ARFIP1: variants seen among roughly 807,000 people sequenced by gnomAD.
ARFIP1 encodes the protein arfaptin-1.
Under a neutral mutation model 42.5 loss-of-function variants are expected in ARFIP1, and 24 were observed. That is an observed-to-expected ratio of 0.57 (90% CI 0.41 to 0.80). ARFIP1 has a LOEUF of 0.80. Among genes scored for constraint, ARFIP1 ranks in the 30% least tolerant of loss-of-function variants. ARFIP1 has a pLI of 0.00. For synonymous variants in ARFIP1, 141 were observed against 153.7 expected (o/e 0.92, Z 0.61); for missense variants, 354 against 434.0 (o/e 0.82, Z 1.64).
intron 1 of ARFIP1, among the ~76,000 whole-genome samples, chr4:152,786,318 G>C (rs1730806450): frequency 6.6e-6 from 1 of 152,122 alleles, no homozygotes; most frequent in South Asian, 2.1e-4. Flanking sequence ...TGTCTAAAAT[G>C]AAACTGATTT....
chr4:152,900,840 T>A (rs2149909098), intron 8 of ARFIP1, among the ~76,000 whole-genome samples: 1 of 152,336 alleles, frequency 6.6e-6, no homozygotes, highest in South Asian at 2.1e-4. Flanking sequence ...TTACACTTTT[T>A]TCTTACACAC....
At chr4:152,849,259 A>C (rs935101803) in intron 2 of ARFIP1, among the ~76,000 whole-genome samples, 2 of 151,994 alleles carry the variant, frequency 1.3e-5, no homozygotes, top group Non-Finnish European at 2.9e-5. Context: ...TATAAACAAA[A>C]GCTATTAGTA....
intron 8 of ARFIP1, among the ~76,000 whole-genome samples, chr4:152,891,233 C>A (rs1039546485): frequency 1.3e-5 from 2 of 152,180 alleles, no homozygotes. Flanking sequence ...ATTCAGACTG[C>A]AGCAGATAGC....
chr4:152,845,949 C>T (rs1732501343), intron 2 of ARFIP1, among the ~76,000 whole-genome samples: 1 of 152,060 alleles, frequency 6.6e-6, no homozygotes, highest in Non-Finnish European at 1.5e-5. Flanking sequence ...ATCTAGGTAC[C>T]CATCAATGGT....
At chr4:152,866,944 CG>C (rs1263178376) in intron 3 of ARFIP1, among the ~76,000 whole-genome samples, 2 of 150,768 alleles carry the variant, frequency 1.3e-5, no homozygotes, top group African/African-American at 2.4e-5. Context: ...GGATGGCGGC[CG>C]GGAAGAGGCG....
chr4:152,849,618 G>A (rs1037833977), intron 2 of ARFIP1, among the ~76,000 whole-genome samples: 2 of 152,060 alleles, frequency 1.3e-5, no homozygotes, highest in Non-Finnish European at 2.9e-5. Flanking sequence ...AAATATTGTT[G>A]AATGAATGGG....
intron 1 of ARFIP1, among the ~76,000 whole-genome samples, chr4:152,786,163 A>G (rs998188654): frequency 1.3e-5 from 2 of 152,208 alleles, no homozygotes; most frequent in African/African-American, 2.4e-5. Flanking sequence ...TTTGGGGATT[A>G]TAGTTAGCTG....
chr4:152,856,320 C>T (rs1231671792), intron 2 of ARFIP1, among the ~76,000 whole-genome samples: 1 of 152,124 alleles, frequency 6.6e-6, no homozygotes, highest in African/African-American at 2.4e-5. Context: ...CTAACATAAC[C>T]ATTCTGGACC....
intron 5 of ARFIP1, among the ~76,000 whole-genome samples, chr4:152,878,253 T>C (rs900920669): frequency 1.3e-5 from 2 of 152,236 alleles, no homozygotes; most frequent in Non-Finnish European, 2.9e-5. Flanking sequence ...TTGTAAGTGA[T>C]CTCCATTTTC....
chr4:152,906,488 CA>C (rs1263878482), intron 8 of ARFIP1, among the ~76,000 whole-genome samples: 1 of 152,218 alleles, frequency 6.6e-6, no homozygotes, highest in Non-Finnish European at 1.5e-5. Flanking sequence ...GATCTGTTGT[CA>C]GATTCCATTG....
intron 2 of ARFIP1, among the ~76,000 whole-genome samples, chr4:152,842,767 T>G (rs1732198777): frequency 6.6e-6 from 1 of 152,178 alleles, no homozygotes; most frequent in African/African-American, 2.4e-5. Context: ...CCTGAATTTT[T>G]TATTGTTTTT....
intron 8 of ARFIP1, among the ~76,000 whole-genome samples, chr4:152,895,697 A>G (rs1391627985): frequency 6.6e-6 from 1 of 151,308 alleles, no homozygotes; most frequent in African/African-American, 2.4e-5. Flanking sequence ...AGTAGATGGG[A>G]TGACAGGCAT....
chr4:152,812,701 A>C (rs1275735600), intron 1 of ARFIP1, among the ~76,000 whole-genome samples: 1 of 152,200 alleles, frequency 6.6e-6, no homozygotes, highest in East Asian at 1.9e-4. Context: ...CACTAGACTC[A>C]ATCTCTGGCC....
At chr4:152,806,760 C>T (rs1729020486) in intron 1 of ARFIP1, among the ~76,000 whole-genome samples, 1 of 151,556 alleles carries the variant, frequency 6.6e-6, no homozygotes, top group African/African-American at 2.4e-5. Flanking sequence ...GAATTCTGTA[C>T]AACTGGAATC....
intron 7 of ARFIP1, chr4:152,883,293 G>C: frequency 5.7e-6 from 1 of 175,954 alleles, no homozygotes; most frequent in Non-Finnish European, 1.2e-5. Flanking sequence ...CTTTAGAAGA[G>C]GACAGGGCCC....
At chr4:152,888,088 C>T (rs777475602) in intron 7 of ARFIP1, 45 bp from the exon 8 acceptor site, 4 of 1,500,648 alleles carry the variant, frequency 2.7e-6, no homozygotes, top group Non-Finnish European at 3.6e-6. Flanking sequence ...TTTGAACATA[C>T]TTTACTGTTC....
At chr4:152,805,663 T>A (rs62319866) in intron 1 of ARFIP1, among the ~76,000 whole-genome samples, 1 of 151,990 alleles carries the variant, frequency 6.6e-6, no homozygotes, top group Non-Finnish European at 1.5e-5. Context: ...CCCTAGAGCT[T>A]GGGAAAGAAT....
intron 2 of ARFIP1, among the ~76,000 whole-genome samples, chr4:152,847,121 G>GTTTTTTTTTTTTTTTTTTTTTTT (rs1561139273): frequency 2.1e-5 from 1 of 48,180 alleles, no homozygotes; most frequent in Non-Finnish European, 4.3e-5. Context: ...TTTTAGGTTT[G>GTTTTTTTTTTTTTTTTTTTTTTT]TTCTTTTTTT....
chr4:152,812,520 T>A (rs1447630530), intron 1 of ARFIP1, among the ~76,000 whole-genome samples: 1 of 152,212 alleles, frequency 6.6e-6, no homozygotes, highest in East Asian at 1.9e-4. Context: ...TCCACACGAT[T>A]CTTCTCTTGA....
Sources: gnomAD v4.1 joint callset for allele counts (sites outside exome capture counted in the v4.1 genomes callset) on GRCh38, gnomAD v4.1.1 for gene constraint, MANE v1.5 for transcripts, NCBI Gene and HGNC (gene_info 2026-07-23, HGNC 2026-07-21) for gene names.